Variants in ALPL observed in about 807,000 individuals in gnomAD.
ALPL encodes alkaline phosphatase, tissue-nonspecific isozyme.
In ALPL, 42 loss-of-function variants were observed where a neutral mutation model predicts 51.3. The ratio of observed to expected loss-of-function variants is 0.82; its 90% confidence interval spans 0.64 to 1.06. The LOEUF is 1.06. Ranked by LOEUF, ALPL falls within the 50% of genes least tolerant of loss-of-function variation. The pLI, the probability that ALPL is intolerant of heterozygous loss-of-function variation, is 0.00. For synonymous variants in ALPL, 279 were observed against 296.4 expected (o/e 0.94, Z 0.60); for missense variants, 589 against 709.4 (o/e 0.83, Z 1.93).
intron 1 of ALPL, among the ~76,000 whole-genome samples, chr1:21,530,322 T>A (rs1298522549): frequency 6.6e-6 from 1 of 152,212 alleles, no homozygotes; most frequent in East Asian, 1.9e-4. Context: ...TCCAGCGGTA[T>A]CTCTAATCAG....
chr1:21,552,115 T>TCCCCTCCCCTC (rs1558542086), intron 1 of ALPL, among the ~76,000 whole-genome samples: 18 of 9,232 alleles, frequency 1.9e-3, no homozygotes, highest in African/African-American at 4.7e-3. Context: ...TTCCTCCCCT[T>TCCCCTCCCCTC]CCCTTTCCTC....
chr1:21,538,517 C>T (rs1387900480), intron 1 of ALPL, among the ~76,000 whole-genome samples: 1 of 152,180 alleles, frequency 6.6e-6, no homozygotes, highest in Non-Finnish European at 1.5e-5. Flanking sequence ...TTGTGCTGGC[C>T]GCTGCCCAGC....
chr1:21,561,999 T>C (rs1644492292), intron 4 of ALPL, among the ~76,000 whole-genome samples: 1 of 152,152 alleles, frequency 6.6e-6, no homozygotes, highest in Admixed American at 6.5e-5. Context: ...TCCAGTTCAT[T>C]CATTCTTTCC....
intron 9 of ALPL, chr1:21,574,502 CTCATGTT>C (rs1243399328): frequency 6.5e-6 from 1 of 153,842 alleles, no homozygotes; most frequent in African/African-American, 2.4e-5. Flanking sequence ...ACCGCAGTTC[CTCATGTT>C]GCCCTGCTAA....
intron 7 of ALPL, among the ~76,000 whole-genome samples, chr1:21,569,692 A>G (rs888008776): frequency 2.0e-5 from 3 of 152,136 alleles, no homozygotes; most frequent in African/African-American, 7.2e-5. Flanking sequence ...GGGTCTTCTA[A>G]GGGCACACAG....
Position 21,570,354 on chromosome 1 carries a change from A to G in ALPL, c.842A>G (p.His281Arg). 1.2e-6 allele frequency: 2 copies of G among 1,613,970 alleles called. No individual in the cohort carries two copies. The highest frequency in any genetic ancestry group is 2.2e-5 in the South Asian group (2 of 91,058). Reference protein sequence around the residue: ...NRTELLTLDPHNVDYLLGLFE... With the variant: ...NRTELLTLDPRNVDYLLGLFE... ...ACGGAACTCCTGACCCTTGACCCCC[A>G]CAATGTGGACTACCTATTGGGTAAG... Residue 281 changes from histidine (H) to arginine (R), a missense_variant, in exon 8 of 12, where the codon CAC becomes CGC. By Grantham distance (29) the His-to-Arg change is conservative. Transcript: ENST00000374840.
rs545173432 is a variant in ALPL, at chr1:21,525,444, T to C, written c.-105+15927T>C. Among the ~76,000 whole-genome samples, 11 of 152,148 alleles carry C rather than the reference T, an allele frequency of 7.2e-5. No homozygotes were observed. In the South Asian group the frequency reaches 2.3e-3, roughly 32 times the overall value. Reference sequence around the variant, plus strand: ...TCCCATCTACCTGGAGAAAGCTGAGTGGAGGAAGAAAAAGGCTGCCCCTGC... The same window carrying C: ...TCCCATCTACCTGGAGAAAGCTGAGCGGAGGAAGAAAAAGGCTGCCCCTGC... On this transcript the variant is annotated intron_variant, in intron 1 of 11. Coordinates refer to ENST00000374840, the MANE Select transcript of ALPL (RefSeq NM_000478.6).
At chr1:21,525,406 G>A (rs182143712) in intron 1 of ALPL, among the ~76,000 whole-genome samples, 86 of 152,354 alleles carry the variant, frequency 5.6e-4, no homozygotes, top group Admixed American at 2.8e-3. Context: ...GGCAGCGCTT[G>A]TCTTGGGCTT....
intron 2 of ALPL, among the ~76,000 whole-genome samples, chr1:21,554,807 GTCTGTCTGTCTTTCTT>G (rs1250360456): frequency 0.014 from 407 of 28,162 alleles, 2 homozygotes; most frequent in Admixed American, 0.022. Context: ...CTGTCTGTCT[GTCTGTCTGTCTTTCTT>G]TCTTTCTTTC....
intron 1 of ALPL, among the ~76,000 whole-genome samples, chr1:21,519,345 C>T (rs975165450): frequency 1.2e-4 from 18 of 152,244 alleles, no homozygotes; most frequent in Non-Finnish European, 2.1e-4. Context: ...GTGCGGGGCC[C>T]GCGGCCTCTG....
intron 2 of ALPL, among the ~76,000 whole-genome samples, 184 bp downstream of exon 2, chr1:21,554,326 A>ATATG (rs71774981): frequency 6.2e-5 from 1 of 16,116 alleles, no homozygotes; most frequent in African/African-American, 1.3e-4. Context: ...CTCTTTTCCC[A>ATATG]TATATATATA....
chr1:21,538,786 C>T (rs1558535879), intron 1 of ALPL, among the ~76,000 whole-genome samples: 1 of 152,160 alleles, frequency 6.6e-6, no homozygotes, highest in Non-Finnish European at 1.5e-5. Flanking sequence ...GGGATCCTCC[C>T]CTCCCTGCCA....
chr1:21,555,239 G>A (rs1301002511), intron 2 of ALPL, among the ~76,000 whole-genome samples: 1 of 152,200 alleles, frequency 6.6e-6, no homozygotes, highest in Non-Finnish European at 1.5e-5. Flanking sequence ...AATGTCGTCA[G>A]TTAAGGCAAG....
intron 10 of ALPL, among the ~76,000 whole-genome samples, chr1:21,576,135 G>A (rs2148190722): frequency 6.6e-6 from 1 of 152,226 alleles, no homozygotes; most frequent in South Asian, 2.1e-4. Context: ...GCAGGTGGGT[G>A]GATGGATGGC....
At chr1:21,562,500 G>A (rs1378790575) in intron 4 of ALPL, among the ~76,000 whole-genome samples, 2 of 152,132 alleles carry the variant, frequency 1.3e-5, no homozygotes, top group African/African-American at 4.8e-5. Flanking sequence ...TTCTGGGGGA[G>A]TAGTGGGGAC....
chr1:21,519,640 T>G (rs1643864051), intron 1 of ALPL, among the ~76,000 whole-genome samples: 1 of 152,102 alleles, frequency 6.6e-6, no homozygotes, highest in South Asian at 2.1e-4. Context: ...GTACTAAGAA[T>G]ACAAAAACTA....
rs538079226 is a variant in ALPL at position 21,510,665 on chromosome 1, C to G, written c.-105+1148C>G. 2.2e-4 allele frequency among the ~76,000 whole-genome samples: 33 copies of G among 152,340 alleles called. No individual in the cohort carries two copies. The South Asian group carries it at 6.4e-3, about 30-fold the overall frequency. On this transcript the variant is annotated intron_variant, in intron 1 of 11. Transcript: ENST00000374840. ...CTCCAAACTCTGCAGCCCTAGCGTC[C>G]TGCTCCCACTGTGTTGCCTAAGAGA...
chr1:21,531,282 A>G (rs1206269928), intron 1 of ALPL, among the ~76,000 whole-genome samples: 1 of 151,844 alleles, frequency 6.6e-6, no homozygotes, highest in Non-Finnish European at 1.5e-5. Flanking sequence ...TTTGTAAGAG[A>G]CAGGGTCTCA....
intron 2 of ALPL, among the ~76,000 whole-genome samples, chr1:21,560,222 G>A (rs921582485): frequency 5.3e-5 from 8 of 152,226 alleles, no homozygotes; most frequent in African/African-American, 1.4e-4. Context: ...TTGTTGAATA[G>A]GTTAAACATT....
Sources: gnomAD v4.1 joint callset for allele counts (sites outside exome capture counted in the v4.1 genomes callset) on GRCh38, gnomAD v4.1.1 for gene constraint, MANE v1.5 for transcripts, NCBI Gene and HGNC (gene_info 2026-07-23, HGNC 2026-07-21) for gene names.